The following RAB31 variants were observed in gnomAD, a reference collection of about 807,000 sequenced individuals.
RAB31 encodes the protein ras-related protein Rab-31.
A neutral mutation model predicts 25.6 loss-of-function variants in RAB31; 21 were observed. That is an observed-to-expected ratio of 0.82 (90% confidence interval 0.58 to 1.18). RAB31 has a LOEUF of 1.18. Among genes scored for constraint, RAB31 ranks in the 50% most tolerant of loss-of-function variants. RAB31 has a pLI of 0.00. For missense variants in RAB31, 196 were observed against 250.1 expected (o/e 0.78, Z 1.46); for synonymous variants, 87 against 84.0 (o/e 1.04, Z -0.20).
Position 9,859,277 on chromosome 18 carries a change from A to G in RAB31, c.540A>G (p.Thr180=). 1.2e-6 allele frequency: 2 copies of G among 1,613,932 alleles called. No homozygotes were observed. Among genetic ancestry groups the G allele is most frequent in the Non-Finnish European group, 1.7e-6 (2 of 1,179,838 alleles). ...LDPHENGNNG[T]IKVEKPTMQA... ...CCCATGAAAATGGAAACAATGGAAC[A>G]ATCAAAGTTGAGAAGCCAACCATGC... is the stretch of plus-strand genomic sequence containing the variant. Residue 180 remains threonine (T), a synonymous_variant, in exon 7 of 7, where the codon ACA becomes ACG. Transcript: ENST00000578921.
chr18:9,753,587 A>G (rs2068246013), intron 1 of RAB31, among the ~76,000 whole-genome samples: 1 of 152,220 alleles, frequency 6.6e-6, no homozygotes, highest in Non-Finnish European at 1.5e-5. Flanking sequence ...ATGGAGACAG[A>G]TACCTTGGCT....
chr18:9,840,453 C>T (rs181367037), intron 5 of RAB31, among the ~76,000 whole-genome samples: 1 of 152,260 alleles, frequency 6.6e-6, no homozygotes, highest in Admixed American at 6.5e-5. Context: ...GTGGTGGCAG[C>T]CTTTCTGCAT....
At chr18:9,793,799 T>G (rs991921618) in intron 3 of RAB31, among the ~76,000 whole-genome samples, 6 of 152,234 alleles carry the variant, frequency 3.9e-5, no homozygotes, top group Non-Finnish European at 2.9e-5. Flanking sequence ...AATTTTCCCT[T>G]GTCTGATCCA....
chr18:9,741,405 G>T (rs1329678313), intron 1 of RAB31, among the ~76,000 whole-genome samples: 1 of 138,802 alleles, frequency 7.2e-6, no homozygotes, highest in Non-Finnish European at 1.6e-5. Context: ...AAAAAAAAAG[G>T]CAGCTGCTCT....
At chr18:9,772,984 A>T (rs2068353068) in intron 1 of RAB31, among the ~76,000 whole-genome samples, 1 of 152,204 alleles carries the variant, frequency 6.6e-6, no homozygotes, top group African/African-American at 2.4e-5. Context: ...TAGCAGCGGC[A>T]TCAATTGGCA....
chr18:9,796,082 C>T (rs1237205966), intron 3 of RAB31, among the ~76,000 whole-genome samples: 1 of 152,198 alleles, frequency 6.6e-6, no homozygotes. Flanking sequence ...TAAATAATGA[C>T]ATTCCAGCAA....
chr18:9,859,201 T>C (rs373474523), intron 6 of RAB31, 27 bp from the exon 7 acceptor site: 104 of 1,570,414 alleles, frequency 6.6e-5, no homozygotes, highest in Non-Finnish European at 9.6e-6. Flanking sequence ...GAAAGGGAAC[T>C]CACCCTTGGC....
intron 1 of RAB31, among the ~76,000 whole-genome samples, chr18:9,749,901 A>G (rs540048093): frequency 7.2e-5 from 11 of 152,306 alleles, no homozygotes; most frequent in Admixed American, 3.3e-4. Flanking sequence ...CCACAAGTGA[A>G]CAGGTCCCAG....
intron 1 of RAB31, among the ~76,000 whole-genome samples, chr18:9,755,592 C>T (rs1243556867): frequency 2.6e-5 from 4 of 152,246 alleles, no homozygotes; most frequent in African/African-American, 7.2e-5. Flanking sequence ...CTTTGAGCTT[C>T]AGCTCTTCTT....
chr18:9,779,893 G>A (rs912308118), intron 2 of RAB31, among the ~76,000 whole-genome samples: 18 of 152,156 alleles, frequency 1.2e-4, no homozygotes, highest in Admixed American at 1.0e-3. Flanking sequence ...GTTCATGTTC[G>A]ACTGGGCGTG....
chr18:9,713,805 G>C (rs1221143716), intron 1 of RAB31, among the ~76,000 whole-genome samples: 1 of 152,218 alleles, frequency 6.6e-6, no homozygotes, highest in African/African-American at 2.4e-5. Flanking sequence ...GGCAGATCTA[G>C]TGCCTGGTGA....
intron 1 of RAB31, among the ~76,000 whole-genome samples, chr18:9,721,106 A>G (rs2068071616): frequency 6.6e-6 from 1 of 152,168 alleles, no homozygotes; most frequent in African/African-American, 2.4e-5. Flanking sequence ...AATGGGGTCT[A>G]GGAAAGTTAT....
At chr18:9,792,002 A>G (rs73940032) in intron 2 of RAB31, among the ~76,000 whole-genome samples, 152 bp from the exon 3 acceptor site, 7,669 of 152,296 alleles carry the variant, frequency 0.05, 371 homozygotes, top group African/African-American at 0.12. Flanking sequence ...TTTGGGTGTC[A>G]TGAGTCTTCT....
At chr18:9,838,828 A>C (rs2068717910) in intron 5 of RAB31, among the ~76,000 whole-genome samples, 2 of 151,962 alleles carry the variant, frequency 1.3e-5, no homozygotes, top group African/African-American at 4.8e-5. Flanking sequence ...TTACCCTCAA[A>C]GCCTCCCTCC....
At chr18:9,770,987 C>T (rs941611509) in intron 1 of RAB31, among the ~76,000 whole-genome samples, 1 of 151,620 alleles carries the variant, frequency 6.6e-6, no homozygotes, top group Non-Finnish European at 1.5e-5. Context: ...CATAGCAAGA[C>T]CTTGTCTCTG....
chr18:9,767,736 A>G (rs1413967803), intron 1 of RAB31, among the ~76,000 whole-genome samples: 1 of 152,116 alleles, frequency 6.6e-6, no homozygotes, highest in Admixed American at 6.6e-5. Flanking sequence ...TATTATTATT[A>G]CACTTTAAGT....
intron 3 of RAB31, among the ~76,000 whole-genome samples, chr18:9,801,793 C>A (rs77030314): frequency 0.03 from 4,557 of 152,302 alleles, 181 homozygotes; most frequent in African/African-American, 0.088. Context: ...GCATTTTCTT[C>A]TGAGAGTTTT....
chr18:9,850,209 T>A (rs560108330), intron 6 of RAB31, among the ~76,000 whole-genome samples: 1 of 152,216 alleles, frequency 6.6e-6, no homozygotes, highest in Non-Finnish European at 1.5e-5. Context: ...TAGGAACAAG[T>A]GATCTGGGCT....
intron 1 of RAB31, among the ~76,000 whole-genome samples, chr18:9,718,541 G>T (rs1197465883): frequency 6.6e-6 from 1 of 152,224 alleles, no homozygotes; most frequent in Non-Finnish European, 1.5e-5. Context: ...TTACAGGCAT[G>T]AGCCACTGCA....
Sources: gnomAD v4.1 joint callset for allele counts (sites outside exome capture counted in the v4.1 genomes callset) on GRCh38, gnomAD v4.1.1 for gene constraint, MANE v1.5 for transcripts, NCBI Gene and HGNC (gene_info 2026-07-23, HGNC 2026-07-21) for gene names.